The following CDH23 variants were observed in gnomAD, a reference collection of about 807,000 sequenced individuals.
CDH23 encodes cadherin related 23.
A neutral mutation model predicts 317.1 loss-of-function variants in CDH23; 189 were observed. That is an observed-to-expected ratio of 0.60 (90% confidence interval 0.53 to 0.67). The LOEUF (loss-of-function observed/expected upper bound fraction) is 0.67, where lower values mean the gene tolerates loss of function less well. CDH23 is among the 30% of genes least tolerant of loss of function. The pLI, the probability that CDH23 is intolerant of heterozygous loss-of-function variation, is 0.00. For missense variants in CDH23, 4,401 were observed against 4,592.4 expected (o/e 0.96, Z 1.20); for synonymous variants, 1,839 against 1,876.8 (o/e 0.98, Z 0.52).
intron 14 of CDH23, 24 bp downstream of exon 14, chr10:71,646,641 G>T (rs771722953): frequency 6.2e-7 from 1 of 1,613,992 alleles, no homozygotes; most frequent in South Asian, 1.1e-5. Context: ...TCACTGCAGG[G>T]CCACTGAGCT....
intron 69 of CDH23, 87 bp downstream of exon 69, chr10:71,813,435 T>C (rs1420692448): frequency 1.7e-6 from 2 of 1,175,910 alleles, no homozygotes; most frequent in South Asian, 2.6e-5. Flanking sequence ...TCCTTCTCTA[T>C]GTCTCTGGAG....
intron 38 of CDH23, among the ~76,000 whole-genome samples, chr10:71,755,882 T>C (rs1008493683): frequency 6.6e-6 from 1 of 152,162 alleles, no homozygotes; most frequent in African/African-American, 2.4e-5. Flanking sequence ...GTTTTGAAAA[T>C]AGACAGTGGT....
chr10:71,789,091 G>A, intron 45 of CDH23, 49 bp downstream of exon 45: 1 of 925,232 alleles, frequency 1.1e-6, no homozygotes, highest in Non-Finnish European at 1.8e-6. Flanking sequence ...AGGCACCACT[G>A]GGGCCTGGGA....
rs1840896754 is a variant in CDH23 at position 71,779,410 on chromosome 10, G to T, written c.5331G>T (p.Gly1777=). 2 of 1,613,012 alleles carry T rather than the reference G, an allele frequency of 1.2e-6. No homozygotes were observed. Among genetic ancestry groups the T allele is most frequent in the African/African-American group, 1.3e-5 (1 of 74,912 alleles). The change falls in exon 41 of 70, where the codon GGG becomes GGT. Residue 1777 remains glycine, a synonymous_variant. Coordinates refer to ENST00000224721, the MANE Select transcript of CDH23 (RefSeq NM_022124.6). ...ATGACCGAGACTCAGGACCCAACGG[G>T]CAGGTGGAGTACAGCATCATGGATG... ...LAHDRDSGPN[G]QVEYSIMDGD...
intron 3 of CDH23, among the ~76,000 whole-genome samples, chr10:71,470,505 T>C (rs1016613947): frequency 8.5e-5 from 12 of 140,366 alleles, no homozygotes; most frequent in African/African-American, 3.3e-4. Context: ...TAATTTTACT[T>C]TTTTTTTTTT....
intron 6 of CDH23, among the ~76,000 whole-genome samples, chr10:71,531,489 T>C (rs1855372720): frequency 6.6e-6 from 1 of 152,212 alleles, no homozygotes; most frequent in Non-Finnish European, 1.5e-5. Context: ...TTGAAATGTG[T>C]GTGAGTTAGT....
At chr10:71,692,735 G>A (rs1865233167) in intron 20 of CDH23, among the ~76,000 whole-genome samples, 1 of 152,178 alleles carries the variant, frequency 6.6e-6, no homozygotes, top group African/African-American at 2.4e-5. Flanking sequence ...AAAGCAATCT[G>A]GTCCAGCTGC....
At chr10:71,771,968 G>T (rs1273575238) in intron 38 of CDH23, among the ~76,000 whole-genome samples, 1 of 152,230 alleles carries the variant, frequency 6.6e-6, no homozygotes, top group African/African-American at 2.4e-5. Flanking sequence ...GCAGTGCAGG[G>T]CAGGTGGCCC....
intron 9 of CDH23, among the ~76,000 whole-genome samples, chr10:71,590,912 G>A (rs539878362): frequency 6.9e-6 from 1 of 145,106 alleles, no homozygotes; most frequent in Non-Finnish European, 1.5e-5. Context: ...AAAAACACCA[G>A]TCTCTTCTCT....
chr10:71,542,235 A>C (rs1314838111), intron 6 of CDH23, among the ~76,000 whole-genome samples: 1 of 152,216 alleles, frequency 6.6e-6, no homozygotes, highest in Non-Finnish European at 1.5e-5. Context: ...GTATCTGGGC[A>C]TCACAGCCTG....
chr10:71,576,626 G>A (rs1277730393), intron 8 of CDH23, among the ~76,000 whole-genome samples: 1 of 152,132 alleles, frequency 6.6e-6, no homozygotes, highest in East Asian at 1.9e-4. Context: ...CCTAGGGGGT[G>A]GGGACAGGCT....
chr10:71,483,818 G>C (rs1485264529), intron 3 of CDH23, among the ~76,000 whole-genome samples: 1 of 151,972 alleles, frequency 6.6e-6, no homozygotes, highest in Non-Finnish European at 1.5e-5. Flanking sequence ...TCACTGTTTT[G>C]GTGTACATGC....
intron 3 of CDH23, among the ~76,000 whole-genome samples, chr10:71,464,166 C>T (rs1851139064): frequency 6.6e-6 from 1 of 152,126 alleles, no homozygotes; most frequent in South Asian, 2.1e-4. Flanking sequence ...ATCCTCCTAA[C>T]CAAGGTGTTC....
At position 71,760,054 on chromosome 10, in the gene CDH23, C is replaced by T. The variant is rs867128533; in HGVS notation, c.4846-17626C>T. Among the ~76,000 whole-genome samples the T allele has an allele frequency of 4.2e-5, 4 of 95,652 alleles. 1 individual carries two copies. The highest frequency in any genetic ancestry group is 6.9e-5 in the Non-Finnish European group (3 of 43,610). 62.8% of individuals were successfully genotyped at this position (95,652 alleles called of 152,430 possible). On this transcript the variant is annotated intron_variant, in intron 38 of 69. Coordinates refer to ENST00000224721, the MANE Select transcript of CDH23 (RefSeq NM_022124.6). ...ACACACACACATATATACACACACA[C>T]ATATATATACACACACACATATATA...
Position 71,751,717 on chromosome 10 carries a change from GC to G in CDH23, c.4845+9797del. 1 of 1,578,240 alleles carries G rather than the reference GC, an allele frequency of 6.3e-7. No individual in the cohort carries two copies. Among genetic ancestry groups the G allele is most frequent in the Non-Finnish European group, 8.6e-7 (1 of 1,163,720 alleles). On this transcript the variant is annotated intron_variant, in intron 38 of 69. Transcript: ENST00000224721. The surrounding 1 kb of genome is among the most constrained non-coding windows in gnomAD (Gnocchi z 4.9). Reference sequence around the variant, plus strand: ...CGGGGCCTGGAGGAGACAGGGGGGTGCTGGGCTCCGAAAGCAGATGCCGCCC... The same window carrying G: ...CGGGGCCTGGAGGAGACAGGGGGGTGTGGGCTCCGAAAGCAGATGCCGCCC...
chr10:71,583,131 G>A (rs961648220), intron 9 of CDH23, among the ~76,000 whole-genome samples: 23 of 152,128 alleles, frequency 1.5e-4, no homozygotes, highest in African/African-American at 5.1e-4. Flanking sequence ...TTGCCGGAAA[G>A]AGGGGCGGAC....
rs1181066274 is a variant in CDH23, at chr10:71,446,415, G to A, written c.145+20G>A. On this transcript the variant is annotated intron_variant, in intron 3 of 69. Transcript: ENST00000224721. ...CTGTGGGTGAGTGGGGGCATGGGCT[G>A]GTGGGCGTGCAGATGGCCTGGGGTG... 6.2e-7 allele frequency: 1 copy of A among 1,612,546 alleles called. No individual in the cohort carries two copies. The highest frequency in any genetic ancestry group is 1.7e-5 in the Admixed American group (1 of 60,010).
intron 3 of CDH23, among the ~76,000 whole-genome samples, chr10:71,467,878 A>G (rs905204223): frequency 6.6e-6 from 1 of 152,170 alleles, no homozygotes; most frequent in African/African-American, 2.4e-5. Context: ...CCCAGGTCCC[A>G]TGACTCCCGG....
rs191525105 is a variant in CDH23 at position 71,623,890 on chromosome 10, C to A, written c.1134+6497C>A. Among the ~76,000 whole-genome samples, 759 of 152,328 alleles carry A rather than the reference C, an allele frequency of 5.0e-3. 5 individuals are homozygous for A. Among genetic ancestry groups the A allele is most frequent in the Non-Finnish European group, 8.1e-3 (550 of 68,026 alleles). The stretch of plus-strand genomic sequence containing the variant: ...CCTTCCACTACCACACCTACCCCAA[C>A]TGCCCTGAGAAGGTGGCAGAGAGAG... On this transcript the variant is annotated intron_variant, in intron 11 of 69. Transcript: ENST00000224721.
Sources: gnomAD v4.1 joint callset for allele counts (sites outside exome capture counted in the v4.1 genomes callset) on GRCh38, gnomAD v4.1.1 for gene constraint, Gnocchi (gnomAD v3.1) non-coding constraint, MANE v1.5 for transcripts, NCBI Gene and HGNC (gene_info 2026-07-23, HGNC 2026-07-21) for gene names.